The following TTC3 variants were observed in gnomAD, a reference collection of about 807,000 sequenced individuals.
The protein encoded by TTC3 is tetratricopeptide repeat domain 3.
In TTC3, 180 loss-of-function variants were observed where a neutral mutation model predicts 249.6. The observed-to-expected ratio is 0.72, with a 90% CI of 0.64 to 0.82. TTC3 has a LOEUF of 0.82. Ranked by LOEUF, TTC3 falls within the 40% of genes least tolerant of loss-of-function variation. The probability of loss-of-function intolerance (pLI) is 0.00; values close to 1 mark genes in which losing one functional copy is unlikely to be tolerated. For missense variants in TTC3, 2,061 were observed against 2,398.4 expected, an observed-to-expected ratio of 0.86 and a Z score of 2.94; for synonymous variants, 717 against 805.0, an observed-to-expected ratio of 0.89 and a Z score of 1.85.
chr21:37,124,800 A>G, intron 14 of TTC3, 58 bp downstream of exon 14: 1 of 1,583,774 alleles, frequency 6.3e-7, no homozygotes, highest in South Asian at 1.2e-5. Context: ...ATATTTTTAC[A>G]GTAATATTTT....
intron 7 of TTC3, 146 bp downstream of exon 7, chr21:37,091,559 C>CT (rs920854408): frequency 5.8e-5 from 15 of 260,854 alleles, no homozygotes; most frequent in South Asian, 4.7e-4. Flanking sequence ...AAGAGAATTT[C>CT]TTTTTTTTAT....
At chr21:37,114,176 A>G (rs1317687410) in intron 11 of TTC3, among the ~76,000 whole-genome samples, 2 of 152,166 alleles carry the variant, frequency 1.3e-5, no homozygotes, top group African/African-American at 2.4e-5. Flanking sequence ...ACAAAAGCCA[A>G]AATTGACAAA....
In TTC3 at chr21:37,144,336, A is replaced by G. The variant is rs118023561; in HGVS notation, c.1773-189A>G. On this transcript the variant is annotated intron_variant, in intron 20 of 45. Coordinates refer to ENST00000355666, the Ensembl canonical transcript of TTC3. ...CCAAGACGAGTTGTGTTTAATGTATATTACTTTTATAGCAAACAGCAATAG... is the reference window on the plus strand; with the variant it reads ...CCAAGACGAGTTGTGTTTAATGTATGTTACTTTTATAGCAAACAGCAATAG... Among the ~76,000 whole-genome samples, 1,173 of 152,252 alleles carry G rather than the reference A, an allele frequency of 7.7e-3. 14 individuals are homozygous for G. Among genetic ancestry groups the G allele is most frequent in the Non-Finnish European group, 0.011 (780 of 68,010 alleles).
intron 5 of TTC3, among the ~76,000 whole-genome samples, chr21:37,090,021 T>C (rs992496212): frequency 6.6e-6 from 1 of 152,056 alleles, no homozygotes; most frequent in African/African-American, 2.4e-5. Context: ...AAGATTATAC[T>C]AAGTTATTTT....
At chr21:37,176,015 C>T (rs373054977) in intron 35 of TTC3, among the ~76,000 whole-genome samples, 12 of 152,256 alleles carry the variant, frequency 7.9e-5, no homozygotes, top group African/African-American at 2.9e-4. Context: ...CTGTGATCCT[C>T]CCACCTCGGC....
rs548958773 is a variant in TTC3, at chr21:37,162,366, A to G, written c.3170+303A>G. Among the ~76,000 whole-genome samples the G allele has an allele frequency of 5.7e-4, 87 of 152,298 alleles. 1 individual carries two copies. Among genetic ancestry groups the G allele is most frequent in the Non-Finnish European group, 3.7e-4 (25 of 68,026 alleles). ...GAAAATCATAGAAAAATGTCTAGAA[A>G]TTATTCTTTAAAATAGTCAATAAAG... On this transcript the variant is annotated intron_variant, in intron 31 of 45. Transcript: ENST00000355666.
chr21:37,154,606 C>T (rs964441661), intron 27 of TTC3, among the ~76,000 whole-genome samples: 6 of 152,324 alleles, frequency 3.9e-5, no homozygotes, highest in South Asian at 4.1e-4. Context: ...AGCCACTGTT[C>T]ATTCAGGTAA....
rs374049069 is a variant in TTC3 at position 37,095,408 on chromosome 21, T to C, written c.746T>C (p.Ile249Thr). Reference sequence around the variant, plus strand: ...GAGTTTTCCAAAGAAAGATTTGATATAGCTATTATCTATTACACCAGAGCC... The same window carrying C: ...GAGTTTTCCAAAGAAAGATTTGATACAGCTATTATCTATTACACCAGAGCC... The change falls in exon 9 of 46, where the codon ATA becomes ACA. Residue 249 changes from isoleucine to threonine, a missense_variant. Ile to Thr is a moderately conservative substitution (Grantham distance 89, BLOSUM62 -1). Around this residue, in one of 3 missense-constraint regions of TTC3, gnomAD observed 989 missense variants for 1,145.1 expected, o/e 0.86. Transcript: ENST00000355666. 6 of 1,607,590 alleles carry C rather than the reference T, an allele frequency of 3.7e-6. No homozygotes were observed. Among genetic ancestry groups the C allele is most frequent in the Non-Finnish European group, 5.1e-6 (6 of 1,176,708 alleles).
intron 11 of TTC3, among the ~76,000 whole-genome samples, chr21:37,109,052 A>G (rs1378944201): frequency 6.6e-6 from 1 of 152,224 alleles, no homozygotes; most frequent in Non-Finnish European, 1.5e-5. Flanking sequence ...TGAATGGCCA[A>G]TAGAAATAAG....
At chr21:37,160,933 A>C in intron 30 of TTC3, 75 bp downstream of exon 30, 4 of 1,398,198 alleles carry the variant, frequency 2.9e-6, no homozygotes, top group Non-Finnish European at 3.9e-6. Context: ...ATTAGAATTG[A>C]GCAATTCTTG....
At chr21:37,076,350 T>G (rs2070856798) in intron 1 of TTC3, among the ~76,000 whole-genome samples, 1 of 152,184 alleles carries the variant, frequency 6.6e-6, no homozygotes, top group Admixed American at 6.5e-5. Flanking sequence ...GGCATTTTGG[T>G]TGTTTCTAGG....
At chr21:37,078,393 C>T (rs925796240) in intron 1 of TTC3, among the ~76,000 whole-genome samples, 19 of 152,002 alleles carry the variant, frequency 1.2e-4, no homozygotes, top group East Asian at 3.8e-4. Flanking sequence ...GGGGGAGAAT[C>T]GAAATCTTTA....
chr21:37,135,284 C>A, intron 17 of TTC3, 96 bp from the exon 18 acceptor site: 1 of 1,291,728 alleles, frequency 7.7e-7, no homozygotes, highest in Non-Finnish European at 1.1e-6. Flanking sequence ...AACATTTTAT[C>A]ATTAGTTATA....
chr21:37,101,989 G>C (rs1301778466), intron 10 of TTC3, among the ~76,000 whole-genome samples: 1 of 149,712 alleles, frequency 6.7e-6, no homozygotes, highest in Non-Finnish European at 1.5e-5. Flanking sequence ...AGATATATTA[G>C]TATGTAGATT....
intron 29 of TTC3, 109 bp from the exon 30 acceptor site, chr21:37,160,693 A>G: frequency 9.0e-7 from 1 of 1,108,340 alleles, no homozygotes; most frequent in Non-Finnish European, 1.3e-6. Flanking sequence ...TAAACATTTT[A>G]TGTACATTTA....
At chr21:37,193,237 GC>G (rs2084409998) in intron 41 of TTC3, among the ~76,000 whole-genome samples, 1 of 298 alleles carries the variant, frequency 3.4e-3, no homozygotes, top group South Asian at 0.17. Context: ...ACCCCGTCAG[GC>G]GTGCCCTCTT....
chr21:37,087,106 G>A (rs889996712), intron 1 of TTC3, 141 bp from the exon 2 acceptor site: 6 of 845,998 alleles, frequency 7.1e-6, no homozygotes, highest in South Asian at 1.8e-5. Context: ...AGAATCTTTC[G>A]GAGCTCAGTG....
At chr21:37,199,821 C>T (rs906835587) in intron 44 of TTC3, among the ~76,000 whole-genome samples, 2 of 152,162 alleles carry the variant, frequency 1.3e-5, no homozygotes, top group Admixed American at 6.5e-5. Flanking sequence ...TTATGGGCTT[C>T]CGTCATGATT....
chr21:37,154,841 G>A (rs1247668911), intron 27 of TTC3, among the ~76,000 whole-genome samples: 2 of 152,112 alleles, frequency 1.3e-5, no homozygotes, highest in Non-Finnish European at 2.9e-5. Context: ...TACTACAGGT[G>A]CCTGCCACCA....
Sources: allele counts gnomAD v4.1 joint callset (sites outside exome capture counted in the v4.1 genomes callset), GRCh38; gene constraint gnomAD v4.1.1; regional missense constraint gnomAD v4.1.1; transcripts MANE v1.5; gene names NCBI Gene and HGNC (gene_info 2026-07-23, HGNC 2026-07-21).